Variants in MLXIP observed in about 807,000 individuals in gnomAD.
MLXIP encodes MLX interacting protein.
Under a neutral mutation model 87.2 loss-of-function variants are expected in MLXIP, and 30 were observed. That is an observed-to-expected ratio of 0.34 (90% CI 0.26 to 0.47). The LOEUF (loss-of-function observed/expected upper bound fraction) is 0.47, where lower values mean the gene tolerates loss of function less well. Among genes scored for constraint, MLXIP ranks in the 20% least tolerant of loss-of-function variants. MLXIP has a pLI of 1.00. For missense variants in MLXIP, 1,002 were observed against 1,240.1 expected (o/e 0.81, Z 2.88); for synonymous variants, 530 against 514.0 (o/e 1.03, Z -0.42).
At chr12:122,101,755 A>AT (rs1207558137) in intron 1 of MLXIP, among the ~76,000 whole-genome samples, 1 of 151,140 alleles carries the variant, frequency 6.6e-6, no homozygotes, top group Non-Finnish European at 1.5e-5. Context: ...TACTTTTTGT[A>AT]TTTTTAGTAA....
chr12:122,115,849 T>A (rs1952682200), intron 1 of MLXIP, among the ~76,000 whole-genome samples: 1 of 152,000 alleles, frequency 6.6e-6, no homozygotes. Flanking sequence ...GGTCAGGAGT[T>A]CAAGACCAGC....
Position 122,133,899 on chromosome 12 carries a change from G to A in MLXIP, c.1644G>A (p.Gly548=), listed in dbSNP as rs773647207. 5.6e-6 allele frequency: 9 copies of A among 1,610,324 alleles called. No individual in the cohort carries two copies. The highest frequency in any genetic ancestry group is 7.6e-6 in the Non-Finnish European group (9 of 1,178,586). Residue 548 remains glycine, a synonymous_variant, in exon 9 of 17, where the codon GGG becomes GGA. Transcript: ENST00000319080. This position sits in a 1 kb window ranked among gnomAD's most constrained non-coding sequence, Gnocchi z 4.9. ...ACCCCAAACCTGTATCCTTGACTGG[G>A]GGCAGGCCTAAGCAGCCCCACAAAA... ...FVHPKPVSLT[G]GRPKQPHKIV... is the part of the protein sequence containing the mutation.
chr12:122,134,677 CTT>C (rs141853208), intron 9 of MLXIP: 20 of 132,190 alleles, frequency 1.5e-4, no homozygotes, highest in South Asian at 2.4e-4. Flanking sequence ...TCTCTATTCT[CTT>C]TTTTTTTTTT....
intron 1 of MLXIP, among the ~76,000 whole-genome samples, chr12:122,125,500 A>G (rs1365336845): frequency 6.6e-6 from 1 of 152,146 alleles, no homozygotes; most frequent in African/African-American, 2.4e-5. Context: ...AGTCCTTATT[A>G]ACACACTCTA....
At chr12:122,095,675 C>A (rs929197349) in intron 1 of MLXIP, among the ~76,000 whole-genome samples, 1 of 151,646 alleles carries the variant, frequency 6.6e-6, no homozygotes, top group African/African-American at 2.4e-5. Flanking sequence ...TTAAAGTTAA[C>A]CTTTTCTTTT....
At chr12:122,128,102 C>G in intron 3 of MLXIP, 134 bp downstream of exon 3, 1 of 763,594 alleles carries the variant, frequency 1.3e-6, no homozygotes, top group Non-Finnish European at 2.2e-6. Context: ...CATCCATGCC[C>G]TGGGGGCCAG....
At chr12:122,114,978 C>T (rs992792367) in intron 1 of MLXIP, among the ~76,000 whole-genome samples, 7 of 151,762 alleles carry the variant, frequency 4.6e-5, no homozygotes, top group Non-Finnish European at 1.0e-4. Context: ...AACTCCTGAC[C>T]TCAAATGATC....
At chr12:122,109,208 C>T (rs1434638141) in intron 1 of MLXIP, among the ~76,000 whole-genome samples, 2 of 151,050 alleles carry the variant, frequency 1.3e-5, no homozygotes, top group African/African-American at 4.9e-5. Context: ...GCTGGGATTA[C>T]AAGGCGTGAG....
intron 8 of MLXIP, 112 bp downstream of exon 8, chr12:122,132,495 A>T: frequency 1.2e-6 from 1 of 818,504 alleles, no homozygotes; most frequent in Non-Finnish European, 2.0e-6. Context: ...TCACCAGCAA[A>T]GCGCCAAGCA....
In MLXIP at chr12:122,108,516, C is replaced by A. The variant is rs554758006; in HGVS notation, c.414-18740C>A. ...AACACGAGGACTGAAACTTTATAGTCAAAAAATCAACATAAATGGTTGGCT... is the reference window on the plus strand; with the variant it reads ...AACACGAGGACTGAAACTTTATAGTAAAAAAATCAACATAAATGGTTGGCT... On this transcript the variant is annotated intron_variant, in intron 1 of 16. Transcript: ENST00000319080. Among the ~76,000 whole-genome samples the A allele has an allele frequency of 5.3e-4, 81 of 152,046 alleles. 1 individual carries two copies. The highest frequency in any genetic ancestry group is 3.9e-3 in the South Asian group (19 of 4,824).
At chr12:122,114,417 A>G (rs1171647167) in intron 1 of MLXIP, among the ~76,000 whole-genome samples, 2 of 152,232 alleles carry the variant, frequency 1.3e-5, no homozygotes, top group Non-Finnish European at 2.9e-5. Flanking sequence ...TTATAAGGAA[A>G]GGATTCAAAT....
chr12:122,113,155 A>G (rs1179290461), intron 1 of MLXIP, among the ~76,000 whole-genome samples: 1 of 152,242 alleles, frequency 6.6e-6, no homozygotes, highest in Non-Finnish European at 1.5e-5. Flanking sequence ...ATAAAACTTT[A>G]TTGGCATAAG....
intron 4 of MLXIP, 44 bp downstream of exon 4, chr12:122,129,270 G>A (rs376253066): frequency 4.6e-6 from 7 of 1,514,220 alleles, no homozygotes; most frequent in Non-Finnish European, 5.4e-6. Context: ...GGGAGGGAGT[G>A]GGCAGAGTCC....
chr12:122,132,434 T>C, intron 8 of MLXIP, 51 bp downstream of exon 8: 1 of 1,444,262 alleles, frequency 6.9e-7, no homozygotes, highest in South Asian at 1.2e-5. Flanking sequence ...GGCACAGGGC[T>C]GCTCATCAAA....
intron 9 of MLXIP, chr12:122,134,981 C>CG (rs1565986327): frequency 2.1e-6 from 1 of 468,468 alleles, no homozygotes; most frequent in Non-Finnish European, 3.9e-6. Flanking sequence ...GCCTCTCTAT[C>CG]TTTTTTTTAA....
intron 1 of MLXIP, among the ~76,000 whole-genome samples, chr12:122,122,627 C>T (rs377434571): frequency 7.7e-4 from 117 of 152,090 alleles, no homozygotes; most frequent in African/African-American, 2.6e-3. Context: ...CTGTACTCTC[C>T]GCCTCCCAGG....
At chr12:122,130,559 T>TTAGAACAG (rs566624738) in intron 6 of MLXIP, among the ~76,000 whole-genome samples, 137 of 151,824 alleles carry the variant, frequency 9.0e-4, no homozygotes, top group African/African-American at 3.3e-3. Flanking sequence ...AGATTGAAAA[T>TTAGAACAG]TAGAACAGTG....
chr12:122,080,319 T>C (rs1181701644), intron 1 of MLXIP, among the ~76,000 whole-genome samples: 1 of 152,202 alleles, frequency 6.6e-6, no homozygotes, highest in Non-Finnish European at 1.5e-5. Context: ...AGGTCTGCTC[T>C]GGAGGCATCG....
Position 122,137,511 on chromosome 12 carries a change from C to G in MLXIP, c.2075C>G (p.Ser692Trp). The change falls in exon 12 of 17, where the codon TCG (serine) becomes TGG (tryptophan). Residue 692 changes from serine (S) to tryptophan (W), a missense_variant. Ser to Trp is a radical substitution (Grantham distance 177, BLOSUM62 -3). Coordinates refer to ENST00000319080, the MANE Select transcript of MLXIP (RefSeq NM_014938.6). The surrounding 1 kb of genome is among the most constrained non-coding windows in gnomAD (Gnocchi z 4.1). ...PNSGQASPCA[S>W]EQSPSPQSPQ... ...TCAGGGCAGGCCTCTCCGTGTGCAT[C>G]GGAGCAGAGCCCCAGTCCTCAATCT... is the stretch of plus-strand genomic sequence containing the variant. 2 of 1,613,990 alleles carry G rather than the reference C, an allele frequency of 1.2e-6. No individual in the cohort carries two copies. Among genetic ancestry groups the G allele is most frequent in the Non-Finnish European group, 8.5e-7 (1 of 1,179,880 alleles).
Sources: gnomAD v4.1 joint callset for allele counts (sites outside exome capture counted in the v4.1 genomes callset) on GRCh38, gnomAD v4.1.1 for gene constraint, Gnocchi (gnomAD v3.1) non-coding constraint, MANE v1.5 for transcripts, NCBI Gene and HGNC (gene_info 2026-07-23, HGNC 2026-07-21) for gene names.